Variants in ANKFN1 observed in about 807,000 individuals in gnomAD.
The protein encoded by ANKFN1 is ankyrin repeat and fibronectin type III domain containing 1, also known as ankyrin repeat and fibronectin type-III domain-containing protein 1.
ANKFN1 carries 74 observed loss-of-function variants against 108.7 expected under a neutral mutation model. The ratio of observed to expected loss-of-function variants is 0.68; its 90% CI spans 0.56 to 0.83. ANKFN1 has a LOEUF of 0.83. Among genes scored for constraint, ANKFN1 ranks in the 40% least tolerant of loss-of-function variants. ANKFN1 has a pLI of 0.00. For synonymous variants in ANKFN1, 547 were observed against 516.2 expected, an observed-to-expected ratio of 1.06 and a Z score of -0.81; for missense variants, 1,505 against 1,382.3, an observed-to-expected ratio of 1.09 and a Z score of -1.41.
chr17:56,447,646 A>T (rs11650061), intron 10 of ANKFN1, among the ~76,000 whole-genome samples: 7,435 of 152,294 alleles, frequency 0.049, 255 homozygotes, highest in Middle Eastern at 0.15. Context: ...CTTTCTTCAT[A>T]GGTAATCAGC....
At chr17:56,385,745 G>T (rs2144843384) in intron 8 of ANKFN1, among the ~76,000 whole-genome samples, 1 of 152,306 alleles carries the variant, frequency 6.6e-6, no homozygotes, top group Admixed American at 6.5e-5. Context: ...GGCCATCAGA[G>T]AAATGCAAAT....
chr17:56,321,290 AT>A (rs964477452), intron 3 of ANKFN1, among the ~76,000 whole-genome samples: 7 of 151,968 alleles, frequency 4.6e-5, no homozygotes, highest in African/African-American at 1.7e-4. Flanking sequence ...TAAGTAGCAC[AT>A]TTTATTTTTA....
intron 3 of ANKFN1, among the ~76,000 whole-genome samples, chr17:56,311,502 T>A (rs550940309): frequency 8.5e-5 from 13 of 152,380 alleles, no homozygotes; most frequent in African/African-American, 3.1e-4. Flanking sequence ...TTTCACTGTA[T>A]TAATGTATGT....
chr17:56,497,433 A>C (rs539609053), intron 19 of ANKFN1, among the ~76,000 whole-genome samples: 1 of 152,268 alleles, frequency 6.6e-6, no homozygotes, highest in African/African-American at 2.4e-5. Flanking sequence ...CGGCTGTAAG[A>C]CCATACACTG....
rs537059962 is a variant in ANKFN1, at chr17:56,161,431, G to A, written c.-71+7901G>A. 3.3e-4 allele frequency among the ~76,000 whole-genome samples: 50 copies of A among 152,222 alleles called. 1 individual carries two copies. In the South Asian group the frequency reaches 9.3e-3, roughly 28 times the overall value. ...TCTGTATTACTTTGATATGAAACTC[G>A]TACACAGTAGGTACTCAATAAATAC... On this transcript the variant is annotated intron_variant, in intron 1 of 20. Transcript: ENST00000682825.
rs80327972 is a variant in ANKFN1 at position 56,243,517 on chromosome 17, G to C, written c.53+15560G>C. ...CTTTTTCTGCCTCCTTTGAGAAACT[G>C]AGAAGACCTACATTAACTCCTGGTT... On this transcript the variant is annotated intron_variant, in intron 3 of 20. Transcript: ENST00000682825. Among the ~76,000 whole-genome samples, 48 of 152,248 alleles carry C rather than the reference G, an allele frequency of 3.2e-4. 3 individuals are homozygous for C. In the East Asian group the frequency reaches 9.1e-3, roughly 29 times the overall value.
At chr17:56,113,996 A>C (rs925322768) in intron 4 of ANKFN1, among the ~76,000 whole-genome samples, 1 of 152,142 alleles carries the variant, frequency 6.6e-6, no homozygotes, top group Non-Finnish European at 1.5e-5. Flanking sequence ...GGAATACAAA[A>C]ATTTCGTTGC....
At chr17:56,254,646 G>A (rs1003994741) in intron 3 of ANKFN1, among the ~76,000 whole-genome samples, 13 of 152,086 alleles carry the variant, frequency 8.5e-5, no homozygotes, top group African/African-American at 3.1e-4. Context: ...TCAACCCCTA[G>A]TGCACATCAG....
At chr17:56,451,392 C>G (rs562702521) in intron 11 of ANKFN1, among the ~76,000 whole-genome samples, 3 of 152,098 alleles carry the variant, frequency 2.0e-5, no homozygotes, top group African/African-American at 7.2e-5. Context: ...TTTAACATAA[C>G]CCTTAATGCA....
intron 4 of ANKFN1, among the ~76,000 whole-genome samples, chr17:56,123,966 C>T (rs1284949321): frequency 6.6e-6 from 1 of 152,138 alleles, no homozygotes; most frequent in African/African-American, 2.4e-5. Context: ...GAAGGCATCT[C>T]TTCTGAATTT....
chr17:56,135,721 T>A (rs929651032), intron 4 of ANKFN1, among the ~76,000 whole-genome samples: 2 of 152,142 alleles, frequency 1.3e-5, no homozygotes, highest in Non-Finnish European at 2.9e-5. Context: ...TTTCTCTTCC[T>A]CTGAAGTTAT....
chr17:56,235,968 G>C (rs1337455586), intron 3 of ANKFN1, among the ~76,000 whole-genome samples: 1 of 152,012 alleles, frequency 6.6e-6, no homozygotes, highest in Non-Finnish European at 1.5e-5. Flanking sequence ...TAATCATATT[G>C]ATTCTTCCTA....
chr17:56,087,785 C>T (rs1905343620), intron 4 of ANKFN1, among the ~76,000 whole-genome samples: 1 of 151,336 alleles, frequency 6.6e-6, no homozygotes, highest in Non-Finnish European at 1.5e-5. Context: ...GAGCCATGCT[C>T]ATTTGTGTGC....
At chr17:56,176,492 A>G (rs1030419621) in intron 1 of ANKFN1, among the ~76,000 whole-genome samples, 2 of 152,236 alleles carry the variant, frequency 1.3e-5, no homozygotes, top group Admixed American at 1.3e-4. Flanking sequence ...GAACCCATTC[A>G]ATGCGCACAA....
intron 4 of ANKFN1, among the ~76,000 whole-genome samples, chr17:56,076,136 A>G (rs1362654554): frequency 6.6e-6 from 1 of 152,160 alleles, no homozygotes; most frequent in Non-Finnish European, 1.5e-5. Flanking sequence ...TAACATTTCA[A>G]TAGCACTTTT....
At chr17:56,188,152 T>C (rs984971559) in intron 1 of ANKFN1, among the ~76,000 whole-genome samples, 3 of 152,192 alleles carry the variant, frequency 2.0e-5, no homozygotes, top group African/African-American at 7.2e-5. Flanking sequence ...CCTTTTGATA[T>C]TGCCTGAGAA....
chr17:56,157,142 G>A (rs1909193147), intron 1 of ANKFN1, among the ~76,000 whole-genome samples: 1 of 152,162 alleles, frequency 6.6e-6, no homozygotes, highest in African/African-American at 2.4e-5. Context: ...GCCACTGGGA[G>A]CCAGCAGAAA....
At chr17:56,125,804 GC>G (rs1399150049) in intron 4 of ANKFN1, among the ~76,000 whole-genome samples, 1 of 152,198 alleles carries the variant, frequency 6.6e-6, no homozygotes, top group Non-Finnish European at 1.5e-5. Context: ...CACAGGTAAA[GC>G]CATGAGCAAA....
intron 18 of ANKFN1, among the ~76,000 whole-genome samples, chr17:56,483,802 G>A (rs566375019): frequency 6.6e-6 from 1 of 152,290 alleles, no homozygotes; most frequent in Admixed American, 6.5e-5. Context: ...ACTGTTTGGG[G>A]CAGGGTATTT....
Sources: allele counts gnomAD v4.1 joint callset (sites outside exome capture counted in the v4.1 genomes callset), GRCh38; gene constraint gnomAD v4.1.1; transcripts MANE v1.5; gene names NCBI Gene and HGNC (gene_info 2026-07-23, HGNC 2026-07-21).